The following TPCN1 variants were observed in gnomAD, a reference collection of about 807,000 sequenced individuals.
TPCN1 encodes the protein two pore segment channel 1, also known as two pore channel protein 1.
A neutral mutation model predicts 108.8 loss-of-function variants in TPCN1; 52 were observed. That is an observed-to-expected ratio of 0.48 (90% confidence interval 0.38 to 0.60). The LOEUF is 0.60. TPCN1 is among the 20% of genes least tolerant of loss of function. TPCN1 has a pLI of 0.00. For missense variants in TPCN1, 806 were observed against 1,072.8 expected, an observed-to-expected ratio of 0.75 and a Z score of 3.47; for synonymous variants, 446 against 433.7, an observed-to-expected ratio of 1.03 and a Z score of -0.35.
At chr12:113,253,491 A>G (rs1215309200) in intron 2 of TPCN1, among the ~76,000 whole-genome samples, 1 of 152,152 alleles carries the variant, frequency 6.6e-6, no homozygotes, top group Non-Finnish European at 1.5e-5. Context: ...GGACAGCTTA[A>G]CTGGGGCTGG....
rs566276629 is a variant in TPCN1, at chr12:113,245,380, G to A, written c.113-14988G>A. Among the ~76,000 whole-genome samples the A allele has an allele frequency of 3.3e-3, 407 of 121,678 alleles. 19 individuals are homozygous for A. Among genetic ancestry groups the A allele is most frequent in the Non-Finnish European group, 4.6e-3 (274 of 59,376 alleles). 79.8% of individuals were successfully genotyped at this position (121,678 alleles called of 152,430 possible). A position where few individuals can be genotyped will look rare whatever the true frequency, so the allele number is the denominator to read the frequency against. The stretch of plus-strand genomic sequence containing the variant: ...TGGGAGGCCGAGGCGGGCGGATCAC[G>A]AGGTCAGGAGATCGAGACCATCCTG... On this transcript the variant is annotated intron_variant, in intron 2 of 27. Coordinates refer to ENST00000335509, the MANE Select transcript of TPCN1 (RefSeq NM_017901.6).
At chr12:113,222,011 T>G (rs899139243) in intron 1 of TPCN1, among the ~76,000 whole-genome samples, 1 of 152,184 alleles carries the variant, frequency 6.6e-6, no homozygotes, top group Non-Finnish European at 1.5e-5. Context: ...GGATGGTAGC[T>G]GAACCTCTTC....
chr12:113,253,052 T>A (rs566651670), intron 2 of TPCN1, among the ~76,000 whole-genome samples: 1 of 152,294 alleles, frequency 6.6e-6, no homozygotes, highest in South Asian at 2.1e-4. Context: ...AGGCAAGTAG[T>A]CTACCGATTG....
chr12:113,225,143 C>T (rs1382750097), intron 1 of TPCN1: 1 of 408,706 alleles, frequency 2.4e-6, no homozygotes, highest in Non-Finnish European at 4.9e-6. Flanking sequence ...TAACCTCCAA[C>T]TCCTGGGATC....
chr12:113,280,225 A>G, intron 15 of TPCN1, 30 bp downstream of exon 15: 2 of 1,593,396 alleles, frequency 1.3e-6, no homozygotes, highest in Non-Finnish European at 1.7e-6. Context: ...ACTCTAGGCC[A>G]CTTTCCCCCT....
chr12:113,260,207 A>T, intron 2 of TPCN1, 161 bp from the exon 3 acceptor site: 1 of 719,344 alleles, frequency 1.4e-6, no homozygotes, highest in South Asian at 3.1e-5. Flanking sequence ...CAGCTGTGCT[A>T]ATTCTTGCCA....
intron 27 of TPCN1, among the ~76,000 whole-genome samples, chr12:113,293,862 G>C (rs569153362): frequency 4.2e-4 from 64 of 152,266 alleles, no homozygotes; most frequent in Non-Finnish European, 7.2e-4. Flanking sequence ...TTTTGAGATG[G>C]AGTCTCGCTC....
chr12:113,230,474 T>C (rs962131589), intron 2 of TPCN1, among the ~76,000 whole-genome samples: 2 of 152,108 alleles, frequency 1.3e-5, no homozygotes, highest in African/African-American at 4.8e-5. Flanking sequence ...AGAGCCTCTT[T>C]CCTTGGCTCC....
At chr12:113,279,811 G>A (rs1307080555) in intron 14 of TPCN1, among the ~76,000 whole-genome samples, 6 of 152,138 alleles carry the variant, frequency 3.9e-5, no homozygotes, top group Non-Finnish European at 7.4e-5. Flanking sequence ...TTGGGTGCTC[G>A]TATTATTTAC....
Position 113,235,680 on chromosome 12 carries a change from G to A in TPCN1, c.112+8716G>A, listed in dbSNP as rs184881170. 1.3e-3 allele frequency among the ~76,000 whole-genome samples: 201 copies of A among 152,222 alleles called. 2 individuals carry two copies. Among genetic ancestry groups the A allele is most frequent in the African/African-American group, 4.6e-3 (192 of 41,536 alleles). Reference sequence around the variant, plus strand: ...AGTGCGTCAAGTATAGTTACAGCTTGGTCTGGTTGGCAGTGAGATGAGTAT... The same window carrying A: ...AGTGCGTCAAGTATAGTTACAGCTTAGTCTGGTTGGCAGTGAGATGAGTAT... On this transcript the variant is annotated intron_variant, in intron 2 of 27. Transcript: ENST00000335509.
At chr12:113,285,624 TCTTGG>T (rs957244919) in intron 17 of TPCN1, among the ~76,000 whole-genome samples, 10 of 152,218 alleles carry the variant, frequency 6.6e-5, no homozygotes, top group Non-Finnish European at 2.9e-5. Flanking sequence ...GGTCCTCCTC[TCTTGG>T]CTTCCCAAAG....
rs1156537184 is a variant in TPCN1, at chr12:113,272,114, G to T, written c.749-544G>T. ...TAGAATTTTGTTTGTGCTTCTCCGG[G>T]GGTAGGGGCTGATTTCCCCTGAGGG... On this transcript the variant is annotated intron_variant, in intron 7 of 27. Transcript: ENST00000335509. The surrounding 1 kb of genome is among the most constrained non-coding windows in gnomAD (Gnocchi z 4.1). 2.0e-5 allele frequency among the ~76,000 whole-genome samples: 3 copies of T among 152,270 alleles called. No homozygotes were observed. Among genetic ancestry groups the T allele is most frequent in the African/African-American group, 7.2e-5 (3 of 41,542 alleles).
chr12:113,250,844 C>G (rs1463926612), intron 2 of TPCN1, among the ~76,000 whole-genome samples: 1 of 151,800 alleles, frequency 6.6e-6, no homozygotes, highest in Non-Finnish European at 1.5e-5. Flanking sequence ...TGTGTTGGTG[C>G]ATGCCCAGCT....
intron 2 of TPCN1, among the ~76,000 whole-genome samples, chr12:113,227,261 C>T (rs1953506256): frequency 6.6e-6 from 1 of 152,170 alleles, no homozygotes; most frequent in African/African-American, 2.4e-5. Flanking sequence ...TTGGTGGGGA[C>T]CTCAGGCCAA....
At position 113,284,361 on chromosome 12, in the gene TPCN1, G is replaced by T. The variant is rs531640332; in HGVS notation, c.1343-220G>T. On this transcript the variant is annotated intron_variant, in intron 15 of 27. Transcript: ENST00000335509. The surrounding 1 kb of genome is among the most constrained non-coding windows in gnomAD (Gnocchi z 4.1). Reference sequence around the variant, plus strand: ...TACAGTGACAGAGGGAGTGTTTTTAGAAATTTATAGCTGTTTCTAGGTGAA... The same window carrying T: ...TACAGTGACAGAGGGAGTGTTTTTATAAATTTATAGCTGTTTCTAGGTGAA... Among the ~76,000 whole-genome samples the T allele has an allele frequency of 6.6e-6, 1 of 152,294 alleles. No homozygotes were observed. Among genetic ancestry groups the T allele is most frequent in the Non-Finnish European group, 1.5e-5 (1 of 68,026 alleles).
rs906647590 is a variant in TPCN1, at chr12:113,266,937, T to C, written c.414+581T>C. On this transcript the variant is annotated intron_variant, in intron 4 of 27. Coordinates refer to ENST00000335509, the MANE Select transcript of TPCN1 (RefSeq NM_017901.6). This position sits in a 1 kb window ranked among gnomAD's most constrained non-coding sequence, Gnocchi z 4.2. Reference sequence around the variant, plus strand: ...CCTCCAAGGCCCTCCATGACTCAGTTTCCCTTCCTGTTTCTCCTTCTTCAT... The same window carrying C: ...CCTCCAAGGCCCTCCATGACTCAGTCTCCCTTCCTGTTTCTCCTTCTTCAT... Among the ~76,000 whole-genome samples the C allele has an allele frequency of 6.6e-6, 1 of 152,188 alleles. No individual in the cohort carries two copies. Among genetic ancestry groups the C allele is most frequent in the Non-Finnish European group, 1.5e-5 (1 of 68,032 alleles).
chr12:113,295,910 G>A (rs767296139), intron 27 of TPCN1, 50 bp from the exon 28 acceptor site: 153 of 1,516,658 alleles, frequency 1.0e-4, no homozygotes, highest in Non-Finnish European at 1.2e-4. Flanking sequence ...GGGTGGGCGG[G>A]GCAGGGGGTG....
In TPCN1 at chr12:113,285,891, T is replaced by A. The variant is rs765424762; in HGVS notation, c.1456T>A (p.Tyr486Asn). 6.2e-7 allele frequency: 1 copy of A among 1,614,138 alleles called. No individual in the cohort carries two copies. Among genetic ancestry groups the A allele is most frequent in the Admixed American group, 1.7e-5 (1 of 60,028 alleles). ...CGATGGATTCCTTCTGTCCACAGTC[T>A]ATGGGGTGGAGCTGTTCCTGAAGGT... Reference protein sequence around the residue: ...PWSYLVFLTIYGVELFLKVAG... With the variant: ...PWSYLVFLTINGVELFLKVAG... Residue 486 changes from tyrosine to asparagine, a missense_variant and splice_region_variant, in exon 18 of 28, where the codon TAT (tyrosine) becomes AAT (asparagine). Physicochemically the swap from Tyr to Asn is moderately radical, Grantham distance 143. Transcript: ENST00000335509.
chr12:113,237,513 C>G (rs1268407979), intron 2 of TPCN1, among the ~76,000 whole-genome samples: 2 of 152,098 alleles, frequency 1.3e-5, no homozygotes, highest in African/African-American at 4.8e-5. Context: ...TGCACCACCG[C>G]ACCCTGTTAA....
Sources: allele counts gnomAD v4.1 joint callset (sites outside exome capture counted in the v4.1 genomes callset), GRCh38; gene constraint gnomAD v4.1.1; non-coding constraint Gnocchi (gnomAD v3.1); transcripts MANE v1.5; gene names NCBI Gene and HGNC (gene_info 2026-07-23, HGNC 2026-07-21).